The following ELAVL2 variants were observed in gnomAD, a reference collection of about 807,000 sequenced individuals.
ELAVL2 encodes ELAV like RNA binding protein 2.
In ELAVL2, 4 loss-of-function variants were observed where a neutral mutation model predicts 34.6. The ratio of observed to expected loss-of-function variants is 0.12; its 90% CI spans 0.06 to 0.26. ELAVL2 has a LOEUF of 0.26. ELAVL2 is among the 10% of genes least tolerant of loss of function. ELAVL2 has a pLI of 1.00. For missense variants in ELAVL2, 432 were observed against 442.8 expected (o/e 0.98, Z 0.22); for synonymous variants, 193 against 154.8 (o/e 1.25, Z -1.83).
rs1322504000 is a variant in ELAVL2, at chr9:23,690,631, C to T, written c.*1926G>A. The stretch of plus-strand genomic sequence containing the variant: ...ACTATACTGAAAAATTTTATAACTA[C>T]AATTTTAAATAATAAAAAATAAAAC... On this transcript the variant is annotated 3_prime_UTR_variant, in exon 7 of 7. Transcript: ENST00000397312. 6.6e-6 allele frequency: 1 copy of T among 152,344 alleles called. No individual in the cohort carries two copies. Among genetic ancestry groups the T allele is most frequent in the Admixed American group, 6.6e-5 (1 of 15,234 alleles). 9.4% of individuals were successfully genotyped at this position (152,344 alleles called of 1,614,324 possible). A position where few individuals can be genotyped will look rare whatever the true frequency, so the allele number is the denominator to read the frequency against.
the ELAVL2 span, among the ~76,000 whole-genome samples, chr9:23,845,996 T>A: frequency 6.6e-6 from 1 of 151,956 alleles, no homozygotes; most frequent in African/African-American, 2.4e-5. Flanking sequence ...CTTGAATGAA[T>A]TACCTTGATA....
chr9:23,827,128 G>T (rs1481446767), upstream of ELAVL2, among the ~76,000 whole-genome samples: 2 of 152,198 alleles, frequency 1.3e-5, no homozygotes, highest in African/African-American at 4.8e-5. Context: ...AAGAGCAGCT[G>T]TATATAAAAC....
At chr9:23,777,364 G>A (rs190729347) in intron 1 of ELAVL2, among the ~76,000 whole-genome samples, 35 of 107,318 alleles carry the variant, frequency 3.3e-4, no homozygotes, top group African/African-American at 1.2e-3. Context: ...CCACTCTATC[G>A]CTCTATCTTA....
chr9:23,718,019 T>C (rs531652689), intron 3 of ELAVL2, among the ~76,000 whole-genome samples: 14 of 152,312 alleles, frequency 9.2e-5, no homozygotes, highest in Admixed American at 2.6e-4. Context: ...GTGAGCACCA[T>C]GCACATCTTT....
chr9:23,714,281 G>A (rs534385350), intron 3 of ELAVL2, among the ~76,000 whole-genome samples: 3 of 152,300 alleles, frequency 2.0e-5, no homozygotes, highest in Admixed American at 2.0e-4. Context: ...TGACACAGAG[G>A]AGGAGACGTG....
rs532548825 is a variant in ELAVL2, at chr9:23,786,941, T to A, written c.-15-24692A>T. Among the ~76,000 whole-genome samples the A allele has an allele frequency of 2.0e-5, 3 of 152,256 alleles. 1 individual carries two copies. Among genetic ancestry groups the A allele is most frequent in the African/African-American group, 7.2e-5 (3 of 41,546 alleles). ...TATTTCTCTTTGGAAGTTTTTCATG[T>A]CCAATATATTGCAAAAGATAAAAGG... On this transcript the variant is annotated intron_variant, in intron 1 of 6. Transcript: ENST00000397312.
chr9:23,722,925 T>A (rs1191563228), intron 3 of ELAVL2, among the ~76,000 whole-genome samples: 1 of 151,986 alleles, frequency 6.6e-6, no homozygotes, highest in Non-Finnish European at 1.5e-5. Context: ...ACAAGCCAGG[T>A]ATGTGGTAGA....
chr9:23,732,566 A>T (rs914847033), intron 2 of ELAVL2, among the ~76,000 whole-genome samples: 8 of 152,212 alleles, frequency 5.3e-5, no homozygotes, highest in African/African-American at 1.9e-4. Flanking sequence ...CTTTTCATTA[A>T]TTCAAAATTT....
rs186465487 is a variant in ELAVL2 at position 23,788,474 on chromosome 9, T to A, written c.-15-26225A>T. On this transcript the variant is annotated intron_variant, in intron 1 of 6. Transcript: ENST00000397312. Reference sequence around the variant, plus strand: ...AACTGACCCCTACCATGTTTTTTCCTACACATACCTATGATAAAATTTAAT... The same window carrying A: ...AACTGACCCCTACCATGTTTTTTCCAACACATACCTATGATAAAATTTAAT... Among the ~76,000 whole-genome samples the A allele has an allele frequency of 3.3e-5, 5 of 152,326 alleles. No individual in the cohort carries two copies. The East Asian group carries it at 9.6e-4, about 29-fold the overall frequency.
chr9:23,843,827 A>G, the ELAVL2 span, among the ~76,000 whole-genome samples: 17 of 151,958 alleles, frequency 1.1e-4, no homozygotes, highest in Non-Finnish European at 2.2e-4. Context: ...TGCTTTATCC[A>G]TTATGCTACT....
At chr9:23,746,258 A>C (rs1349626179) in intron 2 of ELAVL2, among the ~76,000 whole-genome samples, 1 of 152,192 alleles carries the variant, frequency 6.6e-6, no homozygotes, top group Non-Finnish European at 1.5e-5. Flanking sequence ...CCAATTACAA[A>C]AGTTATTCTC....
At chr9:23,750,638 G>A (rs1014008226) in intron 2 of ELAVL2, among the ~76,000 whole-genome samples, 6 of 152,164 alleles carry the variant, frequency 3.9e-5, no homozygotes, top group African/African-American at 1.2e-4. Context: ...GATTTGGGAA[G>A]TCATTTAGGA....
In ELAVL2 at chr9:23,762,192, C is replaced by T; in HGVS notation, c.43G>A (p.Ala15Thr). Residue 15 changes from alanine (A) to threonine (T), a missense_variant, in exon 2 of 7, where the codon GCC becomes ACC. By Grantham distance (58) the Ala-to-Thr change is moderately conservative. This residue lies in a region of ELAVL2 where 132 missense variants were observed against 118.3 expected (regional missense o/e 1.12). Transcript: ENST00000397312. ...LSNGPTCNNT[A>T]NGPTTINNNC... ...TTGTTTATGGTGGTTGGACCATTGG[C>T]TGTGTTATTGCAAGTTGGCCCATTA... is the stretch of plus-strand genomic sequence containing the variant. 6.2e-7 allele frequency: 1 copy of T among 1,613,548 alleles called. No individual in the cohort carries two copies. Among genetic ancestry groups the T allele is most frequent in the Non-Finnish European group, 8.5e-7 (1 of 1,179,622 alleles).
At chr9:23,833,699 A>C in the ELAVL2 span, among the ~76,000 whole-genome samples, 4 of 151,936 alleles carry the variant, frequency 2.6e-5, no homozygotes, top group African/African-American at 7.2e-5. Context: ...AATGATGAAA[A>C]ATAAAAAATA....
chr9:23,705,480 G>C (rs140698809), intron 3 of ELAVL2, among the ~76,000 whole-genome samples: 3 of 152,298 alleles, frequency 2.0e-5, no homozygotes, highest in South Asian at 4.1e-4. Flanking sequence ...AAAATTTAAA[G>C]TTCTTAAAAC....
At chr9:23,712,619 C>T (rs567482357) in intron 3 of ELAVL2, among the ~76,000 whole-genome samples, 24 of 152,136 alleles carry the variant, frequency 1.6e-4, no homozygotes, top group Non-Finnish European at 3.1e-4. Context: ...TACCAACCTA[C>T]AATAGCTAGA....
At chr9:23,752,944 T>C (rs1050842994) in intron 2 of ELAVL2, among the ~76,000 whole-genome samples, 30 of 152,160 alleles carry the variant, frequency 2.0e-4, no homozygotes, top group African/African-American at 7.0e-4. Flanking sequence ...TGCGAATCTG[T>C]TTCTTCACAA....
intron 5 of ELAVL2, among the ~76,000 whole-genome samples, chr9:23,697,047 A>G (rs1271985755): frequency 6.6e-6 from 1 of 152,142 alleles, no homozygotes; most frequent in Non-Finnish European, 1.5e-5. Context: ...CTGAGCAATC[A>G]TCGAAGGGGA....
intron 2 of ELAVL2, among the ~76,000 whole-genome samples, chr9:23,751,063 A>T (rs1315304028): frequency 6.6e-6 from 1 of 152,076 alleles, no homozygotes; most frequent in Non-Finnish European, 1.5e-5. Context: ...CATCAGATCT[A>T]CTCTACAAGG....
Sources: allele counts gnomAD v4.1 joint callset (sites outside exome capture counted in the v4.1 genomes callset), GRCh38; gene constraint gnomAD v4.1.1; regional missense constraint gnomAD v4.1.1; transcripts MANE v1.5; gene names NCBI Gene and HGNC (gene_info 2026-07-23, HGNC 2026-07-21).